ANKRD30B: variants seen among roughly 807,000 people sequenced by gnomAD.
The protein encoded by ANKRD30B is ankyrin repeat domain 30B.
In ANKRD30B, 144 loss-of-function variants were observed where a neutral mutation model predicts 202.2. The ratio of observed to expected loss-of-function variants is 0.71; its 90% CI spans 0.62 to 0.82. The LOEUF is 0.82. Ranked by LOEUF, ANKRD30B falls within the 40% of genes least tolerant of loss-of-function variation. The probability of loss-of-function intolerance (pLI) is 0.00; values close to 1 mark genes in which losing one functional copy is unlikely to be tolerated. For synonymous variants in ANKRD30B, 508 were observed against 561.3 expected, an observed-to-expected ratio of 0.91 and a Z score of 1.34; for missense variants, 1,487 against 1,669.1, an observed-to-expected ratio of 0.89 and a Z score of 1.90.
At position 14,805,794 on chromosome 18, in the gene ANKRD30B, C is replaced by T. The variant is rs1262739030; in HGVS notation, c.2284+1970C>T. 4.9e-4 allele frequency among the ~76,000 whole-genome samples: 73 copies of T among 150,454 alleles called. 3 individuals carry two copies. Among genetic ancestry groups the T allele is most frequent in the African/African-American group, 4.9e-5 (2 of 40,686 alleles). On this transcript the variant is annotated intron_variant, in intron 24 of 43. Transcript: ENST00000690538. ...CCTCTGATTCAAGATCACTTATCTC[C>T]TCATCACTCAGCGTATACATATTGG...
At chr18:14,935,767 A>C in the ANKRD30B span, among the ~76,000 whole-genome samples, 1 of 152,236 alleles carries the variant, frequency 6.6e-6, no homozygotes, top group Admixed American at 6.5e-5. Context: ...GTATGTGTGC[A>C]CGTGCATGCA....
At chr18:14,767,075 C>T (rs2143767236) in intron 7 of ANKRD30B, among the ~76,000 whole-genome samples, 1 of 152,288 alleles carries the variant, frequency 6.6e-6, no homozygotes, top group South Asian at 2.1e-4. Flanking sequence ...TACCCAGGGT[C>T]TGGAAAATTG....
At chr18:14,789,112 T>C (rs1968291566) in intron 15 of ANKRD30B, among the ~76,000 whole-genome samples, 1 of 152,114 alleles carries the variant, frequency 6.6e-6, no homozygotes, top group Non-Finnish European at 1.5e-5. Context: ...TGGTATCTCA[T>C]TGTGATTTGA....
the ANKRD30B span, chr18:14,905,937 C>T: frequency 6.6e-6 from 1 of 152,094 alleles, no homozygotes. Context: ...GCATGTCTGA[C>T]CTGTCTTCCT....
chr18:14,760,649 T>C (rs1487597167), intron 6 of ANKRD30B, 31 bp downstream of exon 6: 2 of 1,434,744 alleles, frequency 1.4e-6, no homozygotes, highest in Admixed American at 4.5e-5. Flanking sequence ...CTACTCTTGA[T>C]GGTGCTACCA....
the ANKRD30B span, among the ~76,000 whole-genome samples, chr18:14,873,752 A>G: frequency 1.3e-5 from 2 of 152,092 alleles, no homozygotes; most frequent in Non-Finnish European, 2.9e-5. Context: ...TTTATTATTA[A>G]TAGCATTAGG....
chr18:14,886,284 A>T, the ANKRD30B span, among the ~76,000 whole-genome samples: 6,783 of 152,122 alleles, frequency 0.045, 229 homozygotes, highest in Non-Finnish European at 0.07. Context: ...CCTTAGGTTT[A>T]TCAAAATCTT....
the ANKRD30B span, chr18:14,888,812 T>C: frequency 1.3e-4 from 137 of 1,038,450 alleles, no homozygotes; most frequent in African/African-American, 2.0e-3. Context: ...TTCCCCTCCA[T>C]TGTGTGTCCA....
At chr18:14,918,747 T>G in the ANKRD30B span, among the ~76,000 whole-genome samples, 1 of 152,204 alleles carries the variant, frequency 6.6e-6, no homozygotes, top group Non-Finnish European at 1.5e-5. Flanking sequence ...GTAAACAACC[T>G]ATTATTTATT....
the ANKRD30B span, among the ~76,000 whole-genome samples, chr18:14,910,339 AC>A: frequency 6.6e-6 from 1 of 151,986 alleles, no homozygotes. Flanking sequence ...GTGGCATTTG[AC>A]TTTTCTCCTT....
At chr18:14,933,004 C>T in the ANKRD30B span, among the ~76,000 whole-genome samples, 1 of 152,198 alleles carries the variant, frequency 6.6e-6, no homozygotes, top group Non-Finnish European at 1.5e-5. Flanking sequence ...TGAAAGCCAT[C>T]AGCTGTCAGT....
At chr18:14,785,034 G>A (rs994618919) in intron 14 of ANKRD30B, among the ~76,000 whole-genome samples, 61 of 152,192 alleles carry the variant, frequency 4.0e-4, no homozygotes, top group African/African-American at 8.2e-4. Flanking sequence ...GTGTGTCTGC[G>A]TGTGTTCCTG....
intron 30 of ANKRD30B, among the ~76,000 whole-genome samples, chr18:14,820,271 A>T (rs1377557089): frequency 6.6e-6 from 1 of 152,166 alleles, no homozygotes; most frequent in African/African-American, 2.4e-5. Context: ...GGTTGAGACA[A>T]TGGGGTTTTC....
the ANKRD30B span, among the ~76,000 whole-genome samples, chr18:14,867,832 G>A: frequency 6.6e-6 from 1 of 152,194 alleles, no homozygotes; most frequent in Non-Finnish European, 1.5e-5. Flanking sequence ...GCCAAAACTG[G>A]CCCCAGCCAC....
chr18:14,778,108 G>A, intron 10 of ANKRD30B, 33 bp downstream of exon 10: 1 of 1,397,552 alleles, frequency 7.2e-7, no homozygotes, highest in Non-Finnish European at 9.9e-7. Context: ...AACATCTTTT[G>A]ACCAAATGTT....
intron 32 of ANKRD30B, among the ~76,000 whole-genome samples, chr18:14,827,421 T>A (rs1835423131): frequency 6.6e-6 from 1 of 152,154 alleles, no homozygotes. Flanking sequence ...GCAACTGGTG[T>A]GTGAGGGAAG....
intron 6 of ANKRD30B, among the ~76,000 whole-genome samples, chr18:14,762,123 A>G (rs1237085426): frequency 6.6e-6 from 1 of 152,206 alleles, no homozygotes; most frequent in Non-Finnish European, 1.5e-5. Context: ...ATTATTATAC[A>G]TAAAGGTCTT....
chr18:14,811,042 G>A (rs1298472914), intron 28 of ANKRD30B, among the ~76,000 whole-genome samples: 6 of 151,194 alleles, frequency 4.0e-5, no homozygotes. Context: ...TTGAACCCAT[G>A]AGGCAGAAGT....
intron 15 of ANKRD30B, among the ~76,000 whole-genome samples, chr18:14,787,946 C>T (rs1298237831): frequency 2.0e-5 from 3 of 152,118 alleles, no homozygotes; most frequent in Non-Finnish European, 4.4e-5. Context: ...TAATTTTTTT[C>T]TTACTGCATT....
Sources: allele counts gnomAD v4.1 joint callset (sites outside exome capture counted in the v4.1 genomes callset), GRCh38; gene constraint gnomAD v4.1.1; transcripts MANE v1.5; gene names NCBI Gene and HGNC (gene_info 2026-07-23, HGNC 2026-07-21).